Variants in MOB3B observed in about 807,000 individuals in gnomAD.
The protein encoded by MOB3B is MOB kinase activator-like 2B.
A neutral mutation model predicts 18.7 loss-of-function variants in MOB3B; 7 were observed. That is an observed-to-expected ratio of 0.37 (90% CI 0.21 to 0.70). The LOEUF is 0.70. MOB3B is among the 30% of genes least tolerant of loss of function. The probability of loss-of-function intolerance (pLI) is 0.52; values close to 1 mark genes in which losing one functional copy is unlikely to be tolerated. For missense variants in MOB3B, 253 were observed against 281.3 expected (o/e 0.90, Z 0.72); for synonymous variants, 111 against 99.9 (o/e 1.11, Z -0.66).
At chr9:27,528,504 T>C (rs370812015) in intron 1 of MOB3B, among the ~76,000 whole-genome samples, 87 of 152,284 alleles carry the variant, frequency 5.7e-4, no homozygotes, top group African/African-American at 2.0e-3. Flanking sequence ...GGAACAACTT[T>C]CCCTCCGCCC....
chr9:27,528,190 GT>G (rs1338934643), intron 1 of MOB3B, among the ~76,000 whole-genome samples: 1 of 152,164 alleles, frequency 6.6e-6, no homozygotes, highest in East Asian at 1.9e-4. Context: ...TTGCATCTTC[GT>G]TCTCTTTTTG....
In MOB3B at chr9:27,429,694, CAT is replaced by C. The variant is rs1421130517; in HGVS notation, c.418+25437_418+25438del. ...ACTCAGATGGATGCTGTGGCTGTTG[CAT>C]AGACGGAGAGCTTGGGCCAGCCCAC... On this transcript the variant is annotated intron_variant, in intron 2 of 3. Transcript: ENST00000262244. Among the ~76,000 whole-genome samples the C allele has an allele frequency of 5.9e-5, 9 of 152,094 alleles. No homozygotes were observed. The East Asian group carries it at 1.7e-3, about 29-fold the overall frequency.
intron 2 of MOB3B, among the ~76,000 whole-genome samples, chr9:27,376,436 G>A (rs1327502438): frequency 2.0e-5 from 3 of 152,136 alleles, no homozygotes; most frequent in Admixed American, 6.5e-5. Flanking sequence ...GTTGGTACCC[G>A]TTGCACACAC....
intron 1 of MOB3B, among the ~76,000 whole-genome samples, chr9:27,514,463 T>G (rs1270737523): frequency 6.6e-6 from 1 of 151,900 alleles, no homozygotes; most frequent in Non-Finnish European, 1.5e-5. Context: ...AAATCCAGCA[T>G]GCACTTCATT....
At chr9:27,359,381 G>GC in intron 2 of MOB3B, 145 bp from the exon 3 acceptor site, 4 of 560,096 alleles carry the variant, frequency 7.1e-6, no homozygotes, top group Middle Eastern at 4.7e-4. Flanking sequence ...GTGTGTGTGG[G>GC]GGGGGGGGGT....
intron 2 of MOB3B, among the ~76,000 whole-genome samples, chr9:27,362,915 G>A (rs1006403192): frequency 6.6e-6 from 1 of 152,188 alleles, no homozygotes; most frequent in Non-Finnish European, 1.5e-5. Flanking sequence ...CTCAGAAGGT[G>A]GGACTTGGAA....
At chr9:27,423,206 C>T (rs901448701) in intron 2 of MOB3B, among the ~76,000 whole-genome samples, 1 of 152,130 alleles carries the variant, frequency 6.6e-6, no homozygotes, top group Non-Finnish European at 1.5e-5. Flanking sequence ...TTCTCATCTG[C>T]AAATTGAGAT....
intron 2 of MOB3B, among the ~76,000 whole-genome samples, chr9:27,382,717 GATAT>G (rs57101091): frequency 5.0e-4 from 73 of 147,472 alleles, no homozygotes; most frequent in Admixed American, 4.1e-4. Context: ...AGGTGAAGGT[GATAT>G]ATATATATAT....
At chr9:27,379,643 T>TC (rs1821544385) in intron 2 of MOB3B, among the ~76,000 whole-genome samples, 1 of 152,098 alleles carries the variant, frequency 6.6e-6, no homozygotes, top group Non-Finnish European at 1.5e-5. Flanking sequence ...TGAGACCTGG[T>TC]CCAAAGCCAT....
intron 2 of MOB3B, among the ~76,000 whole-genome samples, chr9:27,377,969 T>C (rs1171220763): frequency 6.6e-6 from 1 of 152,204 alleles, no homozygotes; most frequent in South Asian, 2.1e-4. Flanking sequence ...TAAGAAATCA[T>C]TCACTGTCAC....
intron 2 of MOB3B, among the ~76,000 whole-genome samples, chr9:27,430,972 G>C (rs1360780566): frequency 6.6e-6 from 1 of 151,240 alleles, no homozygotes; most frequent in Non-Finnish European, 1.5e-5. Flanking sequence ...TTTCACCTGA[G>C]ACTTTAAAGC....
intron 1 of MOB3B, among the ~76,000 whole-genome samples, chr9:27,525,594 A>C (rs1820424568): frequency 6.6e-6 from 1 of 152,158 alleles, no homozygotes; most frequent in African/African-American, 2.4e-5. Context: ...ACGACCATTA[A>C]GCTTTCATTT....
intron 1 of MOB3B, among the ~76,000 whole-genome samples, chr9:27,525,163 A>G (rs892840988): frequency 1.3e-5 from 2 of 152,152 alleles, no homozygotes; most frequent in Non-Finnish European, 2.9e-5. Context: ...CTCCTTAGAA[A>G]GTCTTTAAGA....
chr9:27,451,807 T>C (rs553177892), intron 2 of MOB3B, among the ~76,000 whole-genome samples: 113 of 152,276 alleles, frequency 7.4e-4, no homozygotes, highest in African/African-American at 2.6e-3. Context: ...TAATGACTCA[T>C]GATAGCACAA....
intron 2 of MOB3B, among the ~76,000 whole-genome samples, chr9:27,402,678 A>G (rs770680878): frequency 2.6e-5 from 4 of 152,218 alleles, no homozygotes; most frequent in Non-Finnish European, 5.9e-5. Context: ...CAAAACACCA[A>G]ATGGGGACTG....
At chr9:27,400,995 A>G (rs1821869720) in intron 2 of MOB3B, among the ~76,000 whole-genome samples, 1 of 152,176 alleles carries the variant, frequency 6.6e-6, no homozygotes, top group Admixed American at 6.5e-5. Flanking sequence ...TTGTGTTTTG[A>G]TCTGTCCATG....
rs554607204 is a variant in MOB3B, at chr9:27,494,038, C to T, written c.-199+35517G>A. Reference sequence around the variant, plus strand: ...CCTGGAGGTATAGGCTTATAAACAGCCCCCACCCAGGTGCACCTGTCTCTT... The same window carrying T: ...CCTGGAGGTATAGGCTTATAAACAGTCCCCACCCAGGTGCACCTGTCTCTT... On this transcript the variant is annotated intron_variant, in intron 1 of 3. Transcript: ENST00000262244. 3.3e-5 allele frequency among the ~76,000 whole-genome samples: 5 copies of T among 152,234 alleles called. No individual in the cohort carries two copies. In the East Asian group the frequency reaches 9.7e-4, roughly 29 times the overall value.
intron 2 of MOB3B, among the ~76,000 whole-genome samples, chr9:27,432,015 T>C (rs1468231358): frequency 6.6e-6 from 1 of 152,158 alleles, no homozygotes; most frequent in Non-Finnish European, 1.5e-5. Context: ...CCAACATCCA[T>C]TAGGCAGTGT....
At chr9:27,437,100 C>G (rs112186332) in intron 2 of MOB3B, among the ~76,000 whole-genome samples, 201 of 152,074 alleles carry the variant, frequency 1.3e-3, no homozygotes, top group African/African-American at 4.6e-3. Flanking sequence ...GAGGAGATGG[C>G]AAAAGTAGCC....
Sources: gnomAD v4.1 joint callset for allele counts (sites outside exome capture counted in the v4.1 genomes callset) on GRCh38, gnomAD v4.1.1 for gene constraint, MANE v1.5 for transcripts, NCBI Gene and HGNC (gene_info 2026-07-23, HGNC 2026-07-21) for gene names.